Variants in SORCS3 observed in about 807,000 individuals in gnomAD.
The protein encoded by SORCS3 is sortilin related VPS10 domain containing receptor 3.
SORCS3 carries 57 observed loss-of-function variants against 146.3 expected under a neutral mutation model. The observed-to-expected ratio is 0.39, with a 90% confidence interval of 0.31 to 0.49. SORCS3 has a LOEUF of 0.49. Among genes scored for constraint, SORCS3 ranks in the 20% least tolerant of loss-of-function variants. The pLI is 0.92. For missense variants in SORCS3, 1,341 were observed against 1,575.5 expected (o/e 0.85, Z 2.52); for synonymous variants, 653 against 618.5 (o/e 1.06, Z -0.83).
intron 3 of SORCS3, among the ~76,000 whole-genome samples, chr10:104,937,978 C>G (rs1185942379): frequency 6.6e-6 from 1 of 152,128 alleles, no homozygotes; most frequent in Non-Finnish European, 1.5e-5. Flanking sequence ...AGACGCTTGA[C>G]CTGGTGAAGG....
intron 1 of SORCS3, among the ~76,000 whole-genome samples, chr10:104,673,450 T>G (rs184318439): frequency 6.9e-6 from 1 of 145,112 alleles, no homozygotes; most frequent in Non-Finnish European, 1.5e-5. Flanking sequence ...GTGTGTGTAT[T>G]TTTTGATGTT....
In SORCS3 at chr10:105,244,471, C is replaced by T. The variant is rs75968358; in HGVS notation, c.2869-1071C>T. Among the ~76,000 whole-genome samples, 171 of 152,174 alleles carry T rather than the reference C, an allele frequency of 1.1e-3. 3 individuals carry two copies. In the East Asian group the frequency reaches 0.027, roughly 24 times the overall value. ...AATACCTGCAGATATGGAGGGTCTA[C>T]AGTGGGATTGGAGTATGCATGGATT... On this transcript the variant is annotated intron_variant, in intron 20 of 26. Transcript: ENST00000369701.
chr10:105,058,757 C>A (rs1354650717), intron 5 of SORCS3, among the ~76,000 whole-genome samples: 2 of 151,984 alleles, frequency 1.3e-5, no homozygotes, highest in Non-Finnish European at 2.9e-5. Context: ...GGGGTGATGA[C>A]CAAGGGAGAA....
intron 14 of SORCS3, among the ~76,000 whole-genome samples, chr10:105,180,519 A>C (rs906377730): frequency 6.0e-4 from 91 of 152,222 alleles, no homozygotes; most frequent in Non-Finnish European, 8.8e-4. Flanking sequence ...TAAGACTATG[A>C]AAGATTTTAG....
At chr10:104,822,499 A>G (rs1275083610) in intron 1 of SORCS3, among the ~76,000 whole-genome samples, 1 of 152,202 alleles carries the variant, frequency 6.6e-6, no homozygotes, top group Admixed American at 6.5e-5. Context: ...CCTAGGCTAC[A>G]TGAGAGAGGG....
At chr10:104,702,546 C>G (rs1017690901) in intron 1 of SORCS3, among the ~76,000 whole-genome samples, 1 of 152,172 alleles carries the variant, frequency 6.6e-6, no homozygotes, top group African/African-American at 2.4e-5. Context: ...CCTTGGCCTT[C>G]CAAAGTGCTG....
chr10:104,984,558 C>T (rs2054951097), intron 4 of SORCS3, among the ~76,000 whole-genome samples: 1 of 152,100 alleles, frequency 6.6e-6, no homozygotes. Context: ...ATGGGAAAAA[C>T]TAGGAAGAAA....
At chr10:104,936,527 A>T (rs992319083) in intron 3 of SORCS3, among the ~76,000 whole-genome samples, 3 of 152,160 alleles carry the variant, frequency 2.0e-5, no homozygotes, top group African/African-American at 7.2e-5. Context: ...GACTGCAGAG[A>T]GACAGGTTGG....
chr10:105,228,552 C>G (rs1322609095), intron 20 of SORCS3, among the ~76,000 whole-genome samples: 20 of 151,980 alleles, frequency 1.3e-4, no homozygotes, highest in Admixed American at 1.3e-3. Flanking sequence ...GTGATGAATT[C>G]CCTCAGCTTT....
chr10:104,753,534 T>C (rs376615227), intron 1 of SORCS3, among the ~76,000 whole-genome samples: 66 of 152,336 alleles, frequency 4.3e-4, no homozygotes, highest in African/African-American at 1.4e-3. Context: ...TATTTACTGC[T>C]AGCAACACTT....
chr10:105,163,559 A>G (rs2056284901), intron 11 of SORCS3, among the ~76,000 whole-genome samples: 1 of 152,180 alleles, frequency 6.6e-6, no homozygotes, highest in African/African-American at 2.4e-5. Context: ...AACGAAATCA[A>G]TATAGATGGA....
At chr10:105,123,439 C>G (rs1350580776) in intron 7 of SORCS3, among the ~76,000 whole-genome samples, 1 of 152,224 alleles carries the variant, frequency 6.6e-6, no homozygotes, top group African/African-American at 2.4e-5. Flanking sequence ...CTTAATTCCT[C>G]AAGCAAGTTG....
intron 8 of SORCS3, among the ~76,000 whole-genome samples, chr10:105,142,752 C>T (rs748626272): frequency 5.9e-5 from 9 of 152,142 alleles, no homozygotes; most frequent in Admixed American, 2.0e-4. Context: ...GCCTTCACTT[C>T]AAGGTGCTTG....
chr10:105,059,244 G>A (rs2055466670), intron 5 of SORCS3, among the ~76,000 whole-genome samples: 1 of 152,174 alleles, frequency 6.6e-6, no homozygotes, highest in East Asian at 1.9e-4. Flanking sequence ...GAAATACACA[G>A]TGGAAAGGGT....
chr10:105,080,207 C>T (rs188394382), intron 5 of SORCS3, among the ~76,000 whole-genome samples: 1 of 152,300 alleles, frequency 6.6e-6, no homozygotes. Context: ...TCACCTCAAC[C>T]TCACCAGCAT....
intron 1 of SORCS3, among the ~76,000 whole-genome samples, chr10:104,780,528 G>A (rs748070613): frequency 8.5e-5 from 13 of 152,164 alleles, no homozygotes; most frequent in Non-Finnish European, 1.3e-4. Flanking sequence ...TCTTCCAAAT[G>A]GGCTGCTTTG....
intron 3 of SORCS3, among the ~76,000 whole-genome samples, chr10:104,976,386 G>T (rs1181876693): frequency 1.3e-5 from 2 of 152,132 alleles, no homozygotes; most frequent in African/African-American, 4.8e-5. Context: ...AGTTAGAATG[G>T]CAATCATTAA....
intron 1 of SORCS3, among the ~76,000 whole-genome samples, chr10:104,762,285 G>T (rs1370779340): frequency 6.6e-6 from 1 of 152,214 alleles, no homozygotes; most frequent in Non-Finnish European, 1.5e-5. Context: ...GGTGGAGGGG[G>T]AGAGTCCTGA....
At chr10:104,928,157 G>A (rs2019168980) in intron 3 of SORCS3, among the ~76,000 whole-genome samples, 1 of 152,134 alleles carries the variant, frequency 6.6e-6, no homozygotes, top group South Asian at 2.1e-4. Context: ...ACTCCCAAAA[G>A]CCCAGGGATG....
Sources: gnomAD v4.1 joint callset for allele counts (sites outside exome capture counted in the v4.1 genomes callset) on GRCh38, gnomAD v4.1.1 for gene constraint, MANE v1.5 for transcripts, NCBI Gene and HGNC (gene_info 2026-07-23, HGNC 2026-07-21) for gene names.